Variants in FAM120A observed in about 807,000 individuals in gnomAD.
The protein encoded by FAM120A is constitutive coactivator of PPAR-gamma-like protein 1.
In FAM120A, 15 loss-of-function variants were observed where a neutral mutation model predicts 109.7. The observed-to-expected ratio is 0.14, with a 90% CI of 0.09 to 0.21. FAM120A has a LOEUF of 0.21. Among genes scored for constraint, FAM120A ranks in the 10% least tolerant of loss-of-function variants. FAM120A has a pLI of 1.00. For missense variants in FAM120A, 899 were observed against 1,439.3 expected (o/e 0.62, Z 6.07); for synonymous variants, 493 against 572.8 (o/e 0.86, Z 1.99).
intron 1 of FAM120A, among the ~76,000 whole-genome samples, chr9:93,464,405 C>T (rs978422182): frequency 6.6e-6 from 1 of 152,140 alleles, no homozygotes; most frequent in South Asian, 2.1e-4. Context: ...GAAACGGGCC[C>T]TTTTGCCACT....
chr9:93,531,327 T>C (rs2131473222), intron 9 of FAM120A: 1 of 152,346 alleles, frequency 6.6e-6, no homozygotes, highest in South Asian at 2.1e-4. Flanking sequence ...AAAGCATATA[T>C]ATCAATGAAC....
At chr9:93,548,145 G>A (rs777514195) in intron 11 of FAM120A, among the ~76,000 whole-genome samples, 1 of 151,926 alleles carries the variant, frequency 6.6e-6, no homozygotes, top group Non-Finnish European at 1.5e-5. Flanking sequence ...TTGCTCTGTT[G>A]CCCAGGCTGG....
At chr9:93,463,882 A>G (rs6479486) in intron 1 of FAM120A, among the ~76,000 whole-genome samples, 4,819 of 152,344 alleles carry the variant, frequency 0.032, 116 homozygotes, top group African/African-American at 0.056. Flanking sequence ...ACCTTTTTAC[A>G]TAGCTTCCTT....
chr9:93,474,620 G>A (rs1858468084), intron 2 of FAM120A, among the ~76,000 whole-genome samples: 1 of 151,930 alleles, frequency 6.6e-6, no homozygotes, highest in African/African-American at 2.4e-5. Flanking sequence ...TTGAGACAGA[G>A]TCTTGCTCTG....
intron 1 of FAM120A, among the ~76,000 whole-genome samples, chr9:93,456,780 C>T (rs1414544194): frequency 2.0e-5 from 3 of 152,082 alleles, no homozygotes; most frequent in Non-Finnish European, 4.4e-5. Context: ...ACCCCCAGGT[C>T]AATTACGATA....
intron 3 of FAM120A, among the ~76,000 whole-genome samples, chr9:93,493,757 C>T (rs1859443890): frequency 6.6e-6 from 1 of 152,218 alleles, no homozygotes; most frequent in Non-Finnish European, 1.5e-5. Flanking sequence ...TGGGGGCTTT[C>T]AGGCCCTGTG....
intron 17 of FAM120A, 27 bp downstream of exon 17, chr9:93,562,331 C>T (rs766302978): frequency 1.9e-6 from 3 of 1,551,590 alleles, no homozygotes; most frequent in Non-Finnish European, 2.7e-6. Flanking sequence ...ATGTTTGTGC[C>T]AGTTCAATGC....
At position 93,476,350 on chromosome 9, in the gene FAM120A, A is replaced by T; in HGVS notation, c.804+12A>T. The stretch of plus-strand genomic sequence containing the variant: ...TAGCCTCACTAAAGGTACAAATTTC[A>T]CTTTATTTTTCTAGCATTTGTAATA... On this transcript the variant is annotated intron_variant, in intron 3 of 17. Transcript: ENST00000277165. 6.4e-7 allele frequency: 1 copy of T among 1,551,574 alleles called. No individual in the cohort carries two copies. Among genetic ancestry groups the T allele is most frequent in the Non-Finnish European group, 8.9e-7 (1 of 1,125,298 alleles).
intron 7 of FAM120A, among the ~76,000 whole-genome samples, chr9:93,519,170 G>T (rs1054252140): frequency 6.6e-6 from 1 of 152,138 alleles, no homozygotes; most frequent in African/African-American, 2.4e-5. Flanking sequence ...CATTCAGCTG[G>T]TGGAAACAGT....
intron 3 of FAM120A, among the ~76,000 whole-genome samples, chr9:93,482,693 C>T (rs368594590): frequency 2.6e-5 from 4 of 152,138 alleles, no homozygotes; most frequent in Admixed American, 6.5e-5. Flanking sequence ...GCCTTCTTAT[C>T]GCAGGGACTG....
At position 93,452,586 on chromosome 9, in the gene FAM120A, G is replaced by C; in HGVS notation, c.474+197G>C. ...TGCAGGCCGCGCGCTGCCCAAGCCC[G>C]TCTCCAGCTGTCCCTGTTCGGGGTC... On this transcript the variant is annotated intron_variant, in intron 1 of 17. Coordinates refer to ENST00000277165, the MANE Select transcript of FAM120A (RefSeq NM_014612.5). The surrounding 1 kb of genome is among the most constrained non-coding windows in gnomAD (Gnocchi z 7.0). 1 of 1,597,412 alleles carries C rather than the reference G, an allele frequency of 6.3e-7. No individual in the cohort carries two copies. Among genetic ancestry groups the C allele is most frequent in the Non-Finnish European group, 8.5e-7 (1 of 1,178,942 alleles).
At chr9:93,470,205 AT>A (rs1302374529) in intron 1 of FAM120A, among the ~76,000 whole-genome samples, 2 of 152,202 alleles carry the variant, frequency 1.3e-5, no homozygotes, top group African/African-American at 4.8e-5. Flanking sequence ...TGTTCTCAAA[AT>A]TACCTTATCC....
chr9:93,489,008 T>TA (rs34387679), intron 3 of FAM120A, among the ~76,000 whole-genome samples: 54,219 of 143,098 alleles, frequency 0.38, 11,790 homozygotes, highest in East Asian at 0.54. Context: ...ATGTATCTGT[T>TA]AAAAAAAAAA....
intron 7 of FAM120A, among the ~76,000 whole-genome samples, chr9:93,523,956 T>C (rs78024225): frequency 0.014 from 2,140 of 152,294 alleles, 55 homozygotes; most frequent in African/African-American, 0.048. Flanking sequence ...TGTAGGGAGA[T>C]AGCACTTGGC....
rs183800802 is a variant in FAM120A, at chr9:93,504,453, C to G, written c.1030+5567C>G. ...TTCGCTGGTTGCATTCCTCGACTCT[C>G]TACCACCCTCAATTTTGTATTAGTT... On this transcript the variant is annotated intron_variant, in intron 5 of 17. Transcript: ENST00000277165. Among the ~76,000 whole-genome samples, 9 of 152,306 alleles carry G rather than the reference C, an allele frequency of 5.9e-5. 1 individual carries two copies. In the East Asian group the frequency reaches 1.5e-3, roughly 26 times the overall value.
intron 3 of FAM120A, among the ~76,000 whole-genome samples, chr9:93,479,421 C>G (rs1192347075): frequency 6.6e-6 from 1 of 152,080 alleles, no homozygotes; most frequent in Non-Finnish European, 1.5e-5. Context: ...CATAGAACAC[C>G]AGCCCTCTGT....
intron 5 of FAM120A, among the ~76,000 whole-genome samples, chr9:93,508,662 G>A (rs1486775493): frequency 6.6e-6 from 1 of 152,184 alleles, no homozygotes; most frequent in Non-Finnish European, 1.5e-5. Context: ...TGGCCATGGG[G>A]ATCCTGCCCC....
chr9:93,468,158 A>C (rs886579288), intron 1 of FAM120A, among the ~76,000 whole-genome samples: 8 of 152,324 alleles, frequency 5.3e-5, no homozygotes, highest in Middle Eastern at 3.4e-3. Context: ...TGCTGGGATT[A>C]CAGGTGTGAG....
At chr9:93,528,476 A>G (rs548635521) in intron 8 of FAM120A, among the ~76,000 whole-genome samples, 2 of 152,256 alleles carry the variant, frequency 1.3e-5, no homozygotes, top group African/African-American at 4.8e-5. Flanking sequence ...TATTCAGACA[A>G]TTCAGACTGC....
Sources: allele counts gnomAD v4.1 joint callset (sites outside exome capture counted in the v4.1 genomes callset), GRCh38; gene constraint gnomAD v4.1.1; non-coding constraint Gnocchi (gnomAD v3.1); transcripts MANE v1.5; gene names NCBI Gene and HGNC (gene_info 2026-07-23, HGNC 2026-07-21).